The following PHLDB2 variants were observed in gnomAD, a reference collection of about 807,000 sequenced individuals.
PHLDB2 encodes pleckstrin homology-like domain family B member 2.
In PHLDB2, 71 loss-of-function variants were observed where a neutral mutation model predicts 123.6. The ratio of observed to expected loss-of-function variants is 0.57; its 90% CI spans 0.47 to 0.70. The LOEUF (loss-of-function observed/expected upper bound fraction) is 0.70, where lower values mean the gene tolerates loss of function less well. Among genes scored for constraint, PHLDB2 ranks in the 30% least tolerant of loss-of-function variants. The pLI is 0.00. For synonymous variants in PHLDB2, 547 were observed against 541.6 expected (o/e 1.01, Z -0.14); for missense variants, 1,446 against 1,519.5 (o/e 0.95, Z 0.80).
intron 1 of PHLDB2, among the ~76,000 whole-genome samples, chr3:111,800,875 G>A (rs73855631): frequency 2.0e-3 from 303 of 152,266 alleles, no homozygotes; most frequent in African/African-American, 7.1e-3. Flanking sequence ...AAGAATCAAG[G>A]AAGATTTCTA....
chr3:111,921,761 C>T (rs2068518884), intron 5 of PHLDB2, among the ~76,000 whole-genome samples: 1 of 152,190 alleles, frequency 6.6e-6, no homozygotes, highest in Admixed American at 6.5e-5. Context: ...CGCCACCACA[C>T]CCGGCTAATT....
At position 111,975,401 on chromosome 3, in the gene PHLDB2, A is replaced by C. The variant is rs1486248893; in HGVS notation, c.*838A>C. ...CTGGTGTTAGGAGCTTGTTTTGCTG[A>C]AGATTTCTCCATTCCTGGTGCTGAG... On this transcript the variant is annotated 3_prime_UTR_variant, in exon 18 of 18. Transcript: ENST00000431670. The C allele has an allele frequency of 6.6e-6, 1 of 152,212 alleles. No homozygotes were observed. The highest frequency in any genetic ancestry group is 1.9e-4 in the East Asian group (1 of 5,204). The allele number at this position is 152,212 out of a possible 1,614,324, so 9.4% of individuals were successfully genotyped here.
chr3:111,802,553 G>T (rs749546134), intron 1 of PHLDB2, among the ~76,000 whole-genome samples: 5 of 152,184 alleles, frequency 3.3e-5, no homozygotes, highest in African/African-American at 1.2e-4. Context: ...GCAAGATGAC[G>T]TGTAACCTCT....
intron 1 of PHLDB2, among the ~76,000 whole-genome samples, chr3:111,790,447 C>T (rs561640226): frequency 4.6e-5 from 7 of 152,320 alleles, no homozygotes; most frequent in African/African-American, 1.7e-4. Flanking sequence ...TTTTCATCCA[C>T]ACAACTAGTA....
At position 111,739,586 on chromosome 3, in the gene PHLDB2, AAC is replaced by A. The variant is rs1330388970; in HGVS notation, c.-49+6885_-49+6886del. ...CTCTTCTGAAGTTAAAAAAAAAAAA[AAC>A]AAAACAAACAAAAAAAAAAAACAAT... On this transcript the variant is annotated intron_variant, in intron 1 of 17. Coordinates refer to the PHLDB2 transcript ENST00000393923. 1.3e-3 allele frequency among the ~76,000 whole-genome samples: 80 copies of A among 61,916 alleles called. 7 individuals carry two copies. Among genetic ancestry groups the A allele is most frequent in the South Asian group, 3.2e-3 (6 of 1,888 alleles). 40.6% of individuals were successfully genotyped at this position (61,916 alleles called of 152,430 possible).
intron 2 of PHLDB2, among the ~76,000 whole-genome samples, chr3:111,900,987 G>C (rs1359883295): frequency 6.6e-6 from 1 of 151,832 alleles, no homozygotes; most frequent in Non-Finnish European, 1.5e-5. Flanking sequence ...CTCCTGATGT[G>C]CTGGGATCAC....
At chr3:111,874,222 A>T (rs964691312) in intron 1 of PHLDB2, among the ~76,000 whole-genome samples, 2 of 152,066 alleles carry the variant, frequency 1.3e-5, no homozygotes, top group African/African-American at 4.8e-5. Context: ...TTTATACTGC[A>T]ACCTCCTCAA....
intron 13 of PHLDB2, among the ~76,000 whole-genome samples, chr3:111,964,182 G>A (rs1465806496): frequency 1.3e-5 from 2 of 152,092 alleles, no homozygotes; most frequent in Non-Finnish European, 2.9e-5. Flanking sequence ...TCAGTTTTGT[G>A]TAAAGCAACT....
At chr3:111,748,213 T>C (rs1047558309) in intron 1 of PHLDB2, among the ~76,000 whole-genome samples, 3 of 152,200 alleles carry the variant, frequency 2.0e-5, no homozygotes, top group Non-Finnish European at 4.4e-5. Context: ...ATTGTCACCA[T>C]GACCACTAGC....
chr3:111,961,562 G>A (rs1315380835), intron 12 of PHLDB2, among the ~76,000 whole-genome samples: 1 of 151,986 alleles, frequency 6.6e-6, no homozygotes, highest in African/African-American at 2.4e-5. Flanking sequence ...GAGAGAAAAT[G>A]GGAAAAATGT....
chr3:111,944,437 A>G (rs751743574), intron 8 of PHLDB2, among the ~76,000 whole-genome samples: 20 of 152,134 alleles, frequency 1.3e-4, no homozygotes, highest in Non-Finnish European at 2.2e-4. Context: ...ATTATAGCAC[A>G]ATAAAAAAGT....
intron 2 of PHLDB2, 175 bp downstream of exon 2, chr3:111,885,587 A>C: frequency 1.1e-6 from 1 of 883,698 alleles, no homozygotes; most frequent in Non-Finnish European, 1.8e-6. Flanking sequence ...ATCACTATTA[A>C]TAGGCTTGTT....
chr3:111,933,954 ACT>A (rs2069298319), intron 6 of PHLDB2, among the ~76,000 whole-genome samples: 1 of 152,086 alleles, frequency 6.6e-6, no homozygotes. Flanking sequence ...AAATTTATAG[ACT>A]CTATTCACAA....
intron 1 of PHLDB2, among the ~76,000 whole-genome samples, chr3:111,864,827 T>TGTATGTGTATG (rs1354266881): frequency 1.3e-5 from 2 of 152,246 alleles, no homozygotes; most frequent in African/African-American, 4.8e-5. Context: ...ATGCCACTGT[T>TGTATGTGTATG]TATCGATGGC....
intron 1 of PHLDB2, among the ~76,000 whole-genome samples, chr3:111,758,249 G>A (rs1210459539): frequency 6.6e-6 from 1 of 152,150 alleles, no homozygotes; most frequent in Non-Finnish European, 1.5e-5. Context: ...AGCTGTGGTG[G>A]GCTCCACCCA....
intron 2 of PHLDB2, among the ~76,000 whole-genome samples, chr3:111,902,784 G>A (rs1260191398): frequency 2.0e-5 from 3 of 152,200 alleles, no homozygotes; most frequent in Non-Finnish European, 2.9e-5. Context: ...GACTACAGGC[G>A]TGAGCCACCA....
At chr3:111,803,236 A>G (rs2061443799) in intron 1 of PHLDB2, among the ~76,000 whole-genome samples, 1 of 152,224 alleles carries the variant, frequency 6.6e-6, no homozygotes, top group Non-Finnish European at 1.5e-5. Flanking sequence ...ACAGGCAGCT[A>G]GCCAAAACTT....
In PHLDB2 at chr3:111,877,707, G is replaced by A. The variant is rs1363898384; in HGVS notation, c.-14-6357G>A. On this transcript the variant is annotated intron_variant, in intron 1 of 17. Transcript: ENST00000431670. ...GGGTTTTTATGGTTTTAGGTCTTAC[G>A]TTTAAGTCTTTAATCCATCTTGAGT... Among the ~76,000 whole-genome samples the A allele has an allele frequency of 9.2e-5, 14 of 152,148 alleles. No homozygotes were observed. The South Asian group carries it at 1.5e-3, about 16-fold the overall frequency.
chr3:111,788,552 T>C (rs1462957577), intron 1 of PHLDB2, among the ~76,000 whole-genome samples: 1 of 152,230 alleles, frequency 6.6e-6, no homozygotes, highest in African/African-American at 2.4e-5. Context: ...CTCCCATCTA[T>C]CTACCTTTTA....
Sources: allele counts gnomAD v4.1 joint callset (sites outside exome capture counted in the v4.1 genomes callset), GRCh38; gene constraint gnomAD v4.1.1; transcripts MANE v1.5; gene names NCBI Gene and HGNC (gene_info 2026-07-23, HGNC 2026-07-21).